CRTAC1: variants seen among roughly 807,000 people sequenced by gnomAD.
The protein encoded by CRTAC1 is acidic secreted protein in cartilage.
A neutral mutation model predicts 67.8 loss-of-function variants in CRTAC1; 37 were observed. That is an observed-to-expected ratio of 0.55 (90% CI 0.42 to 0.72). The LOEUF (loss-of-function observed/expected upper bound fraction) is 0.72. Ranked by LOEUF, CRTAC1 falls within the 30% of genes least tolerant of loss-of-function variation. The pLI is 0.00. For synonymous variants in CRTAC1, 348 were observed against 371.0 expected, an observed-to-expected ratio of 0.94 and a Z score of 0.71; for missense variants, 780 against 931.6, an observed-to-expected ratio of 0.84 and a Z score of 2.12.
intron 2 of CRTAC1, among the ~76,000 whole-genome samples, chr10:97,995,964 T>C (rs1842556938): frequency 6.6e-6 from 1 of 152,046 alleles, no homozygotes; most frequent in Admixed American, 6.6e-5. Flanking sequence ...ATCAAGACCA[T>C]CCTGGCTAAC....
At chr10:97,941,639 C>T (rs555214484) in intron 2 of CRTAC1, among the ~76,000 whole-genome samples, 2 of 152,264 alleles carry the variant, frequency 1.3e-5, no homozygotes, top group African/African-American at 4.8e-5. Flanking sequence ...CCTTTGTCTT[C>T]GCCTCTCATT....
intron 2 of CRTAC1, among the ~76,000 whole-genome samples, chr10:97,996,788 T>C (rs1842580643): frequency 6.6e-6 from 1 of 152,176 alleles, no homozygotes; most frequent in African/African-American, 2.4e-5. Context: ...TGCACATGTA[T>C]GTTTATTGCA....
chr10:97,936,503 C>CTCCA, intron 2 of CRTAC1, 137 bp from the exon 3 acceptor site: 27 of 638,252 alleles, frequency 4.2e-5, no homozygotes, highest in South Asian at 2.7e-4. Flanking sequence ...CCAGGGAACA[C>CTCCA]GGCCAGCCTT....
At chr10:97,950,405 T>C (rs1441233409) in intron 2 of CRTAC1, among the ~76,000 whole-genome samples, 1 of 152,168 alleles carries the variant, frequency 6.6e-6, no homozygotes, top group African/African-American at 2.4e-5. Flanking sequence ...AATGCCCCAT[T>C]AAAGGAGAAG....
chr10:97,888,961 T>C (rs994900565), intron 11 of CRTAC1, among the ~76,000 whole-genome samples: 3 of 152,138 alleles, frequency 2.0e-5, no homozygotes, highest in Non-Finnish European at 4.4e-5. Flanking sequence ...TTTTGCACTT[T>C]AATAAAGCAA....
chr10:97,948,127 C>A (rs992306532), intron 2 of CRTAC1, among the ~76,000 whole-genome samples: 2 of 145,306 alleles, frequency 1.4e-5, no homozygotes, highest in Non-Finnish European at 3.0e-5. Context: ...AAAAAAAACT[C>A]TTCTGAGCTA....
At chr10:97,948,235 A>T (rs1362096000) in intron 2 of CRTAC1, among the ~76,000 whole-genome samples, 1 of 152,208 alleles carries the variant, frequency 6.6e-6, no homozygotes, top group African/African-American at 2.4e-5. Context: ...GGTTAAAATA[A>T]GAGGGGTAGC....
chr10:98,023,174 G>A (rs920658737), intron 1 of CRTAC1, among the ~76,000 whole-genome samples: 1 of 152,168 alleles, frequency 6.6e-6, no homozygotes, highest in Non-Finnish European at 1.5e-5. Flanking sequence ...GGGAGGTAAA[G>A]AGGAAGAGAA....
rs1203288130 is a variant in CRTAC1 at position 97,976,363 on chromosome 10, C to T, written c.224+34775G>A. ...GCTGCCTGGGTTCAAATCCCAGCTC[C>T]CCATAGGGTAGTATTTGGCCTGAGG... On this transcript the variant is annotated intron_variant, in intron 2 of 14. Coordinates refer to ENST00000370597, the MANE Select transcript of CRTAC1 (RefSeq NM_018058.7). Among the ~76,000 whole-genome samples, 18 of 152,182 alleles carry T rather than the reference C, an allele frequency of 1.2e-4. 1 individual carries two copies. In the East Asian group the frequency reaches 3.5e-3, roughly 29 times the overall value.
chr10:97,934,704 T>C (rs2051055477), intron 3 of CRTAC1, among the ~76,000 whole-genome samples: 1 of 151,410 alleles, frequency 6.6e-6, no homozygotes, highest in Non-Finnish European at 1.5e-5. Context: ...GGTTGGGAGG[T>C]CCAGGATGAT....
chr10:97,945,246 G>A (rs1331234698), intron 2 of CRTAC1, among the ~76,000 whole-genome samples: 1 of 152,136 alleles, frequency 6.6e-6, no homozygotes, highest in Non-Finnish European at 1.5e-5. Flanking sequence ...TGGATCTGAG[G>A]ATATGGGAAG....
intron 11 of CRTAC1, among the ~76,000 whole-genome samples, chr10:97,891,113 C>T (rs914318018): frequency 5.3e-5 from 8 of 152,244 alleles, no homozygotes; most frequent in East Asian, 1.9e-4. Context: ...GCACACAGTA[C>T]GTGCTCAGTA....
chr10:97,958,482 C>G (rs535550312), intron 2 of CRTAC1, among the ~76,000 whole-genome samples: 1 of 152,248 alleles, frequency 6.6e-6, no homozygotes, highest in East Asian at 1.9e-4. Context: ...TTTTAACCAA[C>G]AGACTTTATT....
intron 1 of CRTAC1, among the ~76,000 whole-genome samples, chr10:98,015,953 T>C (rs1842988246): frequency 6.6e-6 from 1 of 152,254 alleles, no homozygotes; most frequent in Non-Finnish European, 1.5e-5. Flanking sequence ...AACATTCTCC[T>C]CTGCCTCTGG....
At position 97,930,269 on chromosome 10, in the gene CRTAC1, C is replaced by T. The variant is rs11189448; in HGVS notation, c.421+5901G>A. Among the ~76,000 whole-genome samples the T allele has an allele frequency of 8.5e-3, 1,297 of 152,336 alleles. 15 individuals are homozygous for T. Among genetic ancestry groups the T allele is most frequent in the South Asian group, 0.03 (147 of 4,824 alleles). ...GAGGCAGTCCCAGTTCCTAAGGAAG[C>T]TTGTTCCTTGTTAGGACCATGGGGA... On this transcript the variant is annotated intron_variant, in intron 3 of 14. Transcript: ENST00000370597.
At chr10:98,020,847 C>CTTGTG (rs1843103680) in intron 1 of CRTAC1, among the ~76,000 whole-genome samples, 1 of 152,130 alleles carries the variant, frequency 6.6e-6, no homozygotes, top group Non-Finnish European at 1.5e-5. Context: ...GACACAGGCC[C>CTTGTG]AGTGGGCCAG....
At chr10:97,926,090 G>A (rs2050912969) in intron 3 of CRTAC1, among the ~76,000 whole-genome samples, 1 of 152,178 alleles carries the variant, frequency 6.6e-6, no homozygotes, top group African/African-American at 2.4e-5. Flanking sequence ...AGGAGGAAAA[G>A]TCCCTTCCGC....
chr10:97,865,729 A>G lies in CRTAC1; in HGVS notation c.1820-15T>C. ...GCCGAGAGTCCCTGTAGGGAGGTGT[A>G]TGGCCGGAGTGAGGGCCTTGCAGAC... On this transcript the variant is annotated splice_polypyrimidine_tract_variant and intron_variant, in intron 14 of 14. Transcript: ENST00000370597. The G allele has an allele frequency of 6.7e-7, 1 of 1,494,122 alleles. No homozygotes were observed. The allele number at this position is 1,494,122 out of a possible 1,614,324, so 92.6% of individuals were successfully genotyped here.
At chr10:97,896,831 C>A in intron 9 of CRTAC1, 78 bp downstream of exon 9, 1 of 608,436 alleles carries the variant, frequency 1.6e-6, no homozygotes. Flanking sequence ...CTGGCTGCCC[C>A]GTCCCTCCCG....
Sources: gnomAD v4.1 joint callset for allele counts (sites outside exome capture counted in the v4.1 genomes callset) on GRCh38, gnomAD v4.1.1 for gene constraint, MANE v1.5 for transcripts, NCBI Gene and HGNC (gene_info 2026-07-23, HGNC 2026-07-21) for gene names.